MON2: variants seen among roughly 807,000 people sequenced by gnomAD.
MON2 encodes the protein MON2 regulator of endosome-to-Golgi trafficking, also known as protein MON2 homolog.
MON2 carries 84 observed loss-of-function variants against 208.6 expected under a neutral mutation model. The observed-to-expected ratio is 0.40, with a 90% CI of 0.34 to 0.48. MON2 has a LOEUF of 0.48. Among genes scored for constraint, MON2 ranks in the 20% least tolerant of loss-of-function variants. MON2 has a pLI of 0.59. For synonymous variants in MON2, 660 were observed against 694.0 expected (o/e 0.95, Z 0.77); for missense variants, 1,611 against 2,015.4 (o/e 0.80, Z 3.84).
At chr12:62,540,841 A>T (rs563878021) in intron 19 of MON2, among the ~76,000 whole-genome samples, 2 of 152,362 alleles carry the variant, frequency 1.3e-5, no homozygotes, top group South Asian at 4.1e-4. Flanking sequence ...GGCTATAAAA[A>T]GTTTATTCAG....
At chr12:62,505,519 G>A (rs894553723) in intron 7 of MON2, among the ~76,000 whole-genome samples, 3 of 152,102 alleles carry the variant, frequency 2.0e-5, no homozygotes, top group African/African-American at 7.2e-5. Flanking sequence ...CTAAGAGAGT[G>A]TGACATAATA....
chr12:62,582,076 G>A (rs1056786230), intron 32 of MON2, among the ~76,000 whole-genome samples: 4 of 152,112 alleles, frequency 2.6e-5, no homozygotes, highest in Admixed American at 2.6e-4. Context: ...GAATCTCGGG[G>A]AAAATTTTAA....
chr12:62,598,535 TTAC>T lies in MON2; in HGVS notation c.*5793_*5795del, dbSNP rs1248019071. On this transcript the variant is annotated 3_prime_UTR_variant, in exon 35 of 35. Coordinates refer to ENST00000393630, the MANE Select transcript of MON2 (RefSeq NM_015026.3). The stretch of plus-strand genomic sequence containing the variant: ...GCAAATTTCATTTGCTTTCCATCTC[TTAC>T]TACTACCTCTGTGTCATAATTTAAC... The T allele has an allele frequency of 3.9e-5, 6 of 152,206 alleles. No individual in the cohort carries two copies. The highest frequency in any genetic ancestry group is 8.8e-5 in the Non-Finnish European group (6 of 68,018). 9.4% of individuals were successfully genotyped at this position (152,206 alleles called of 1,614,324 possible).
rs532897776 is a variant in MON2 at position 62,592,624 on chromosome 12, C to G, written c.5029C>G (p.Pro1677Ala). The G allele has an allele frequency of 2.5e-6, 4 of 1,608,328 alleles. No individual in the cohort carries two copies. Among genetic ancestry groups the G allele is most frequent in the Non-Finnish European group, 3.4e-6 (4 of 1,175,854 alleles). ...NTWAQVIALY[P>A]TLVECITCSS... ...CTGGGCACAAGTAATTGCCTTATAC[C>G]CAACTTTAGTAGAATGCATCACCTG... The change falls in exon 35 of 35, where the codon CCA (proline) becomes GCA (alanine). Residue 1677 changes from proline (P) to alanine (A), a missense_variant. Physicochemically the swap from Pro to Ala is conservative, Grantham distance 27. Transcript: ENST00000393630.
intron 30 of MON2, among the ~76,000 whole-genome samples, chr12:62,572,495 A>T (rs1489249733): frequency 6.6e-6 from 1 of 152,188 alleles, no homozygotes; most frequent in Non-Finnish European, 1.5e-5. Flanking sequence ...GCCCAGACCC[A>T]AGTGCAGCAG....
intron 29 of MON2, among the ~76,000 whole-genome samples, chr12:62,570,502 G>A (rs201861559): frequency 1.3e-5 from 2 of 152,144 alleles, no homozygotes; most frequent in South Asian, 2.1e-4. Context: ...ACCGAGATAC[G>A]TTCTGAGAGA....
At chr12:62,535,737 C>G (rs746739686) in intron 14 of MON2, 28 bp downstream of exon 14, 2 of 1,564,556 alleles carry the variant, frequency 1.3e-6, no homozygotes. Flanking sequence ...AAAATTCTCT[C>G]TATGTAGTGG....
chr12:62,468,197 C>T (rs1336012712), intron 1 of MON2, among the ~76,000 whole-genome samples: 3 of 151,172 alleles, frequency 2.0e-5, no homozygotes, highest in African/African-American at 4.9e-5. Flanking sequence ...AAAACAGGCC[C>T]GGCTAATTTT....
intron 2 of MON2, among the ~76,000 whole-genome samples, chr12:62,487,207 GC>G (rs1026137104): frequency 6.6e-6 from 1 of 152,000 alleles, no homozygotes; most frequent in Non-Finnish European, 1.5e-5. Context: ...ATGAGAGATA[GC>G]AACATAAAGT....
chr12:62,502,798 G>A (rs2070911379), intron 7 of MON2, among the ~76,000 whole-genome samples: 2 of 152,096 alleles, frequency 1.3e-5, no homozygotes, highest in African/African-American at 4.8e-5. Flanking sequence ...TACTCATCTA[G>A]TGCCTTCCCC....
At chr12:62,530,526 C>T (rs1448831589) in intron 11 of MON2, among the ~76,000 whole-genome samples, 2 of 152,098 alleles carry the variant, frequency 1.3e-5, no homozygotes, top group East Asian at 3.9e-4. Context: ...CCACCGTGTC[C>T]GGCCCAGCAT....
intron 5 of MON2, 41 bp downstream of exon 5, chr12:62,499,089 G>A: frequency 6.3e-7 from 1 of 1,594,406 alleles, no homozygotes. Flanking sequence ...GGTGGTTCTT[G>A]GATGATTTCA....
intron 8 of MON2, among the ~76,000 whole-genome samples, chr12:62,516,142 CATT>C (rs537059874): frequency 9.2e-5 from 14 of 152,244 alleles, no homozygotes; most frequent in African/African-American, 3.4e-4. Flanking sequence ...AACTGCAGGA[CATT>C]ATGTTAAGTG....
intron 1 of MON2, among the ~76,000 whole-genome samples, chr12:62,480,710 A>C (rs2069373270): frequency 6.6e-6 from 1 of 152,256 alleles, no homozygotes; most frequent in East Asian, 1.9e-4. Context: ...ATTTACTGAC[A>C]TCTATCATCT....
Position 62,467,254 on chromosome 12 carries a change from A to G in MON2, c.47A>G (p.Asn16Ser). 1.2e-6 allele frequency: 2 copies of G among 1,614,040 alleles called. No individual in the cohort carries two copies. Among genetic ancestry groups the G allele is most frequent in the Non-Finnish European group, 1.7e-6 (2 of 1,180,036 alleles). Residue 16 changes from asparagine to serine, a missense_variant, in exon 1 of 35, where the codon AAT (asparagine) becomes AGT (serine). By Grantham distance (46) the Asn-to-Ser change is conservative. Coordinates refer to ENST00000393630, the MANE Select transcript of MON2 (RefSeq NM_015026.3). The stretch of plus-strand genomic sequence containing the variant: ...GAGGCGGTGAAGAAGCTGCTGGAGA[A>G]TATGCAGAGCGACTTGCGCGCCTTG... The part of the protein sequence containing the change: ...SPEAVKKLLE[N>S]MQSDLRALSL...
At chr12:62,566,562 G>A in intron 29 of MON2, 112 bp downstream of exon 29, 1 of 1,065,590 alleles carries the variant, frequency 9.4e-7, no homozygotes. Flanking sequence ...ACAATTTGTA[G>A]TATTATTTGT....
At chr12:62,566,859 C>T (rs2074404134) in intron 29 of MON2, among the ~76,000 whole-genome samples, 1 of 151,998 alleles carries the variant, frequency 6.6e-6, no homozygotes, top group African/African-American at 2.4e-5. Context: ...ATGTTGTGCA[C>T]ATGTACCCTA....
At chr12:62,522,952 T>A (rs1296198745) in intron 8 of MON2, among the ~76,000 whole-genome samples, 1 of 152,252 alleles carries the variant, frequency 6.6e-6, no homozygotes, top group Non-Finnish European at 1.5e-5. Flanking sequence ...AAAAATGATA[T>A]GCTTTCAAGG....
rs775978381 is a variant in MON2 at position 62,489,265 on chromosome 12, G to A, written c.176-4650G>A. Among the ~76,000 whole-genome samples, 72 of 152,024 alleles carry A rather than the reference G, an allele frequency of 4.7e-4. 2 individuals are homozygous for A. Among genetic ancestry groups the A allele is most frequent in the Non-Finnish European group, 8.2e-4 (56 of 67,884 alleles). On this transcript the variant is annotated intron_variant, in intron 2 of 34. Transcript: ENST00000393630. ...CATATTTTTATAACCTCCTTGCCAG[G>A]ATTATTATTTTTAAAAGTCTTTTGG...
Sources: allele counts gnomAD v4.1 joint callset (sites outside exome capture counted in the v4.1 genomes callset), GRCh38; gene constraint gnomAD v4.1.1; transcripts MANE v1.5; gene names NCBI Gene and HGNC (gene_info 2026-07-23, HGNC 2026-07-21).